Variants in PXMP2 observed in about 807,000 individuals in gnomAD.
PXMP2 encodes peroxisomal membrane protein 2, also known as 22 kDa peroxisomal membrane protein.
PXMP2 carries 13 observed loss-of-function variants against 20.2 expected under a neutral mutation model. The ratio of observed to expected loss-of-function variants is 0.64; its 90% CI spans 0.42 to 1.02. The LOEUF is 1.02. Ranked by LOEUF, PXMP2 falls within the 50% of genes least tolerant of loss-of-function variation. The pLI is 0.00. For missense variants in PXMP2, 284 were observed against 251.8 expected (o/e 1.13, Z -0.87); for synonymous variants, 113 against 111.2 (o/e 1.02, Z -0.10).
chr12:132,690,143 G>T (rs2043357646), intron 1 of PXMP2, 120 bp from the exon 2 acceptor site: 3 of 743,628 alleles, frequency 4.0e-6, no homozygotes, highest in African/African-American at 1.8e-5. Context: ...GCTTTAACAA[G>T]AATTCCTACC....
chr12:132,704,692 C>T lies in PXMP2; in HGVS notation c.*5C>T, dbSNP rs751424631. ...CTGGCCTCCTTGGGGAAGTGACGAC[C>T]GCTGGGAGAACATCAGGTGCACTGT... On this transcript the variant is annotated 3_prime_UTR_variant, in exon 5 of 5. Coordinates refer to ENST00000317479, the MANE Select transcript of PXMP2 (RefSeq NM_018663.3). The T allele has an allele frequency of 7.0e-6, 11 of 1,572,298 alleles. No individual in the cohort carries two copies. In the East Asian group the frequency reaches 9.4e-5, roughly 13 times the overall value.
chr12:132,695,666 G>A (rs374054705), intron 2 of PXMP2, among the ~76,000 whole-genome samples: 2 of 152,216 alleles, frequency 1.3e-5, no homozygotes, highest in Admixed American at 6.5e-5. Flanking sequence ...GCGGGGACGC[G>A]CTGGGAGCAG....
chr12:132,692,422 TA>T lies in PXMP2; in HGVS notation c.236+2047del, dbSNP rs67639044. Among the ~76,000 whole-genome samples, 49 of 86,370 alleles carry T rather than the reference TA, an allele frequency of 5.7e-4. 4 individuals are homozygous for T. The highest frequency in any genetic ancestry group is 7.2e-3 in the Middle Eastern group (1 of 138). The allele number at this position is 86,370 out of a possible 152,430, so 56.7% of individuals were successfully genotyped here. On this transcript the variant is annotated intron_variant, in intron 2 of 4. Transcript: ENST00000317479. ...TAGCCAGTTAATTAGTGAGCTCCCT[TA>T]GCCAGTTAGTTAGTGAGCGCCCTTA...
At chr12:132,692,193 C>T (rs561391691) in intron 2 of PXMP2, among the ~76,000 whole-genome samples, 2 of 144,406 alleles carry the variant, frequency 1.4e-5, no homozygotes, top group South Asian at 2.2e-4. Context: ...AGTTAGTGAG[C>T]TCCCTTAGCC....
chr12:132,700,150 T>C (rs2043431261), intron 3 of PXMP2, among the ~76,000 whole-genome samples: 1 of 151,800 alleles, frequency 6.6e-6, no homozygotes, highest in Non-Finnish European at 1.5e-5. Flanking sequence ...CAAGTGATTC[T>C]CCTGCCTCAG....
chr12:132,703,522 G>A (rs2043454340), intron 4 of PXMP2, among the ~76,000 whole-genome samples: 1 of 152,214 alleles, frequency 6.6e-6, no homozygotes, highest in Non-Finnish European at 1.5e-5. Flanking sequence ...TGTGATGAGA[G>A]AGGAGAGAGA....
chr12:132,698,989 A>G (rs553660202), intron 3 of PXMP2, among the ~76,000 whole-genome samples: 1 of 152,322 alleles, frequency 6.6e-6, no homozygotes, highest in South Asian at 2.1e-4. Flanking sequence ...TTTAGAGGGT[A>G]CGAGTGCAGA....
Position 132,696,845 on chromosome 12 carries a change from C to T in PXMP2, c.399+799C>T, listed in dbSNP as rs1205900607. ...AACAAATTAGCCAGGTATGGTGGTG[C>T]GTGCTTGTAATCCCAGCTACTCGGG... On this transcript the variant is annotated intron_variant, in intron 3 of 4. Coordinates refer to ENST00000317479, the MANE Select transcript of PXMP2 (RefSeq NM_018663.3). The surrounding 1 kb of genome is among the most constrained non-coding windows in gnomAD (Gnocchi z 4.4). Among the ~76,000 whole-genome samples the T allele has an allele frequency of 6.6e-6, 1 of 150,730 alleles. No homozygotes were observed. Among genetic ancestry groups the T allele is most frequent in the Non-Finnish European group, 1.5e-5 (1 of 67,700 alleles).
At chr12:132,688,099 G>C (rs2043322272) in intron 1 of PXMP2, 1 of 204,162 alleles carries the variant, frequency 4.9e-6, no homozygotes, top group South Asian at 7.2e-5. Flanking sequence ...GGGAAGCCAC[G>C]GCAAGGGGAG....
At chr12:132,692,373 T>A (rs2043374565) in intron 2 of PXMP2, among the ~76,000 whole-genome samples, 5 of 98,794 alleles carry the variant, frequency 5.1e-5, no homozygotes, top group East Asian at 2.6e-4. Context: ...TGAGCTCCCT[T>A]GCCAGTTAGT....
chr12:132,704,753 A>G lies in PXMP2; in HGVS notation c.*66A>G, dbSNP rs2043461238. The G allele has an allele frequency of 6.8e-7, 1 of 1,462,508 alleles. No homozygotes were observed. Among genetic ancestry groups the G allele is most frequent in the Non-Finnish European group, 9.5e-7 (1 of 1,047,252 alleles). The allele number at this position is 1,462,508 out of a possible 1,614,324, so 90.6% of individuals were successfully genotyped here. ...CTGGGGGTCTCACCCGCCCAGCGAGAGCAGAACCAATCCAGTCAGGATGTC... is the reference window on the plus strand; with the variant it reads ...CTGGGGGTCTCACCCGCCCAGCGAGGGCAGAACCAATCCAGTCAGGATGTC... On this transcript the variant is annotated 3_prime_UTR_variant, in exon 5 of 5. Transcript: ENST00000317479.
Position 132,687,642 on chromosome 12 carries a change from G to T in PXMP2, c.-29G>T, listed in dbSNP as rs1001430822. The T allele has an allele frequency of 2.6e-6, 3 of 1,154,132 alleles. No individual in the cohort carries two copies. Among genetic ancestry groups the T allele is most frequent in the Non-Finnish European group, 3.2e-6 (3 of 939,508 alleles). The allele number at this position is 1,154,132 out of a possible 1,614,324, so 71.5% of individuals were successfully genotyped here. ...CCGGCCAGCCTGAGGTGGGGTCGGT[G>T]CCCCCGGCGGCACGGCGCTGGGGAG... On this transcript the variant is annotated 5_prime_UTR_variant, in exon 1 of 5. Coordinates refer to ENST00000317479, the MANE Select transcript of PXMP2 (RefSeq NM_018663.3).
At chr12:132,701,696 T>A in intron 4 of PXMP2, 1 of 324,192 alleles carries the variant, frequency 3.1e-6, no homozygotes. Flanking sequence ...TTTTCTAGCC[T>A]TTGAAACATT....
chr12:132,693,701 T>G (rs1277747743), intron 2 of PXMP2, among the ~76,000 whole-genome samples: 42 of 112,216 alleles, frequency 3.7e-4, no homozygotes, highest in African/African-American at 9.6e-4. Context: ...GTTAGTGAGC[T>G]CCCTTAGCCA....
intron 3 of PXMP2, among the ~76,000 whole-genome samples, chr12:132,699,792 T>A (rs2043428829): frequency 6.6e-6 from 1 of 152,268 alleles, no homozygotes. Context: ...TTAGGTTGAT[T>A]CCACGTGTTT....
At chr12:132,698,458 C>T (rs10870492) in intron 3 of PXMP2, among the ~76,000 whole-genome samples, 47,268 of 151,906 alleles carry the variant, frequency 0.31, 8,609 homozygotes, top group Non-Finnish European at 0.41. Flanking sequence ...TGCTTTCCTC[C>T]GGTATTCTTA....
chr12:132,693,249 C>CAGTT (rs1565990873), intron 2 of PXMP2, among the ~76,000 whole-genome samples: 1 of 66,744 alleles, frequency 1.5e-5, no homozygotes, highest in Non-Finnish European at 3.3e-5. Flanking sequence ...GCTCCCTTGC[C>CAGTT]AGTTAGTGAG....
intron 4 of PXMP2, among the ~76,000 whole-genome samples, chr12:132,703,636 G>A (rs1319745252): frequency 1.3e-5 from 2 of 152,182 alleles, no homozygotes; most frequent in Non-Finnish European, 1.5e-5. Flanking sequence ...GAAGTCAGGC[G>A]GGCATTTTAA....
intron 1 of PXMP2, 52 bp downstream of exon 1, chr12:132,687,844 G>A (rs1490763283): frequency 2.2e-5 from 24 of 1,114,746 alleles, no homozygotes; most frequent in Non-Finnish European, 2.6e-5. Context: ...GTCGGCCGCA[G>A]CGGCGCGGGG....
Sources: allele counts gnomAD v4.1 joint callset (sites outside exome capture counted in the v4.1 genomes callset), GRCh38; gene constraint gnomAD v4.1.1; non-coding constraint Gnocchi (gnomAD v3.1); transcripts MANE v1.5; gene names NCBI Gene and HGNC (gene_info 2026-07-23, HGNC 2026-07-21).